INPP5A: variants seen among roughly 807,000 people sequenced by gnomAD.
INPP5A encodes inositol polyphosphate-5-phosphatase A, also known as 43 kDa inositol polyphosphate 5-phophatase.
INPP5A carries 14 observed loss-of-function variants against 65.2 expected under a neutral mutation model. The observed-to-expected ratio is 0.21, with a 90% CI of 0.14 to 0.34. The LOEUF (loss-of-function observed/expected upper bound fraction) is 0.34, where lower values mean the gene tolerates loss of function less well. Among genes scored for constraint, INPP5A ranks in the 10% least tolerant of loss-of-function variants. INPP5A has a pLI of 1.00. For synonymous variants in INPP5A, 207 were observed against 208.3 expected (o/e 0.99, Z 0.05); for missense variants, 431 against 545.6 (o/e 0.79, Z 2.09).
chr10:132,666,758 A>G (rs2072810304), intron 4 of INPP5A, among the ~76,000 whole-genome samples: 1 of 152,218 alleles, frequency 6.6e-6, no homozygotes, highest in South Asian at 2.1e-4. Context: ...GAAGTCCAGC[A>G]ATTGCAGCTG....
rs1846433487 is a variant in INPP5A, at chr10:132,749,539, T to C, written c.755T>C (p.Met252Thr). 1.2e-6 allele frequency: 2 copies of C among 1,612,942 alleles called. No homozygotes were observed. The highest frequency in any genetic ancestry group is 1.7e-6 in the Non-Finnish European group (2 of 1,180,008). The stretch of plus-strand genomic sequence containing the variant: ...CAGACGCTCTGCACAAAAGCCACCA[T>C]GCAGACGGTCCGGGCCGCCGACACC... Reference protein sequence around the residue: ...VVETLCTKATMQTVRAADTNE... With the variant: ...VVETLCTKATTQTVRAADTNE... Residue 252 changes from methionine (M) to threonine (T), a missense_variant, in exon 10 of 16, where the codon ATG becomes ACG. By Grantham distance (81) the Met-to-Thr change is moderately conservative (BLOSUM62 -1). Coordinates refer to ENST00000368594, the MANE Select transcript of INPP5A (RefSeq NM_005539.5).
chr10:132,680,845 C>T (rs549926168), intron 4 of INPP5A, among the ~76,000 whole-genome samples: 7 of 152,366 alleles, frequency 4.6e-5, no homozygotes, highest in South Asian at 2.1e-4. Context: ...GCCCACCCAC[C>T]GGCGCTGCAC....
intron 2 of INPP5A, among the ~76,000 whole-genome samples, chr10:132,633,930 C>G (rs1016463892): frequency 3.3e-5 from 5 of 152,258 alleles, no homozygotes; most frequent in African/African-American, 9.6e-5. Flanking sequence ...GTGGCCAGTT[C>G]TGCTTCAGAC....
intron 2 of INPP5A, among the ~76,000 whole-genome samples, chr10:132,643,867 G>A (rs1037944149): frequency 6.6e-6 from 1 of 152,126 alleles, no homozygotes; most frequent in Non-Finnish European, 1.5e-5. Flanking sequence ...ACTCACAGGG[G>A]GTCGTGGAGG....
At position 132,724,458 on chromosome 10, in the gene INPP5A, GT is replaced by G. The variant is rs1163765225; in HGVS notation, c.648-2362del. Among the ~76,000 whole-genome samples, 43 of 152,352 alleles carry G rather than the reference GT, an allele frequency of 2.8e-4. 1 individual carries two copies. Among genetic ancestry groups the G allele is most frequent in the Admixed American group, 5.2e-4 (8 of 15,302 alleles). On this transcript the variant is annotated intron_variant, in intron 8 of 15. Transcript: ENST00000368594. ...TCAGCCACAGGGGAAACTGATACATGTGACTATATGGAAATTAAAACTTTTG... is the reference window on the plus strand; with the variant it reads ...TCAGCCACAGGGGAAACTGATACATGGACTATATGGAAATTAAAACTTTTG...
intron 1 of INPP5A, among the ~76,000 whole-genome samples, chr10:132,572,245 G>C (rs993000986): frequency 5.3e-5 from 8 of 152,216 alleles, no homozygotes; most frequent in Non-Finnish European, 8.8e-5. Context: ...CCATGGGGGG[G>C]CCTTCAGAAG....
intron 3 of INPP5A, among the ~76,000 whole-genome samples, chr10:132,646,661 C>T (rs907096414): frequency 1.3e-5 from 2 of 152,330 alleles, no homozygotes; most frequent in East Asian, 1.9e-4. Flanking sequence ...GTTGGGGGCT[C>T]GTCTCCACCT....
chr10:132,678,516 G>T lies in INPP5A; in HGVS notation c.307-11876G>T, dbSNP rs2073000734. On this transcript the variant is annotated intron_variant, in intron 4 of 15. Coordinates refer to ENST00000368594, the MANE Select transcript of INPP5A (RefSeq NM_005539.5). The surrounding 1 kb of genome is among the most constrained non-coding windows in gnomAD (Gnocchi z 4.1). ...GGGAGCACCGTGAACCTGTGCCTTG[G>T]GTTGTGCTTTGAGACCTGAGCTGAG... 6.6e-6 allele frequency among the ~76,000 whole-genome samples: 1 copy of T among 152,132 alleles called. No homozygotes were observed. Among genetic ancestry groups the T allele is most frequent in the African/African-American group, 2.4e-5 (1 of 41,418 alleles).
At chr10:132,594,223 G>A (rs1291261651) in intron 1 of INPP5A, among the ~76,000 whole-genome samples, 7 of 152,198 alleles carry the variant, frequency 4.6e-5, no homozygotes, top group Admixed American at 4.6e-4. Context: ...GAGCTGTGCT[G>A]TGTAGTAATG....
Position 132,730,549 on chromosome 10 carries a change from G to A in INPP5A, c.732+3644G>A, listed in dbSNP as rs146230411. Among the ~76,000 whole-genome samples the A allele has an allele frequency of 4.4e-3, 674 of 152,352 alleles. 8 individuals are homozygous for A. The highest frequency in any genetic ancestry group is 0.016 in the African/African-American group (646 of 41,572). ...TGGGTGTAGGAAGAGCAGCTCCTGC[G>A]TGCAGCTTGTTAAGACAGCGGGTGT... On this transcript the variant is annotated intron_variant, in intron 9 of 15. Coordinates refer to ENST00000368594, the MANE Select transcript of INPP5A (RefSeq NM_005539.5).
chr10:132,779,108 C>G (rs1242501998), intron 13 of INPP5A, among the ~76,000 whole-genome samples: 2 of 152,276 alleles, frequency 1.3e-5, no homozygotes, highest in African/African-American at 4.8e-5. Flanking sequence ...CTGCAGCCAG[C>G]CTGGCTCCTC....
chr10:132,594,530 C>T (rs546833813), intron 1 of INPP5A, among the ~76,000 whole-genome samples: 7 of 149,956 alleles, frequency 4.7e-5, no homozygotes, highest in East Asian at 3.9e-4. Flanking sequence ...TGCCTGTGCA[C>T]GGGTGGTGTG....
At position 132,549,935 on chromosome 10, in the gene INPP5A, C is replaced by A. The variant is rs2071029229; in HGVS notation, c.75+11764C>A. Among the ~76,000 whole-genome samples the A allele has an allele frequency of 1.4e-5, 2 of 143,222 alleles. No individual in the cohort carries two copies. Among genetic ancestry groups the A allele is most frequent in the South Asian group, 4.8e-4 (2 of 4,202 alleles). The allele number at this position is 143,222 out of a possible 152,430, so 94.0% of individuals were successfully genotyped here. ...CTAACCGGGCATTAGGGGATGGGGT[C>A]AGCCTCGAGTTACTAACCGGGCATT... On this transcript the variant is annotated intron_variant, in intron 1 of 15. Transcript: ENST00000368594. This position sits in a 1 kb window ranked among gnomAD's most constrained non-coding sequence, Gnocchi z 4.9.
Position 132,753,412 on chromosome 10 carries a change from G to A in INPP5A, c.903+3567G>A, listed in dbSNP as rs745464996. ...TTCATCAACCGCCGGTCTTGTACCC[G>A]TCTGACAGAAATTTAATTCAGGCTG... On this transcript the variant is annotated intron_variant, in intron 11 of 15. Coordinates refer to ENST00000368594, the MANE Select transcript of INPP5A (RefSeq NM_005539.5). This position sits in a 1 kb window ranked among gnomAD's most constrained non-coding sequence, Gnocchi z 5.3. Among the ~76,000 whole-genome samples the A allele has an allele frequency of 2.0e-5, 3 of 152,194 alleles. No individual in the cohort carries two copies. Among genetic ancestry groups the A allele is most frequent in the East Asian group, 1.9e-4 (1 of 5,206 alleles).
At chr10:132,646,543 G>A (rs1405220516) in intron 3 of INPP5A, among the ~76,000 whole-genome samples, 1 of 152,190 alleles carries the variant, frequency 6.6e-6, no homozygotes, top group Non-Finnish European at 1.5e-5. Flanking sequence ...TTCAGACATG[G>A]GGCCTCCTAT....
chr10:132,758,026 G>A (rs562652643), intron 11 of INPP5A, among the ~76,000 whole-genome samples: 104 of 139,194 alleles, frequency 7.5e-4, no homozygotes, highest in South Asian at 3.4e-3. Context: ...ACACAGTGCC[G>A]TGGTGTGGGT....
intron 4 of INPP5A, among the ~76,000 whole-genome samples, chr10:132,673,241 G>A (rs1207753559): frequency 6.6e-6 from 1 of 152,160 alleles, no homozygotes; most frequent in East Asian, 1.9e-4. Flanking sequence ...TCTCGCGGTG[G>A]CAGCATTCTT....
At chr10:132,711,875 G>C (rs1248760875) in intron 8 of INPP5A, among the ~76,000 whole-genome samples, 1 of 152,248 alleles carries the variant, frequency 6.6e-6, no homozygotes, top group Admixed American at 6.5e-5. Context: ...GAGGGAGGAG[G>C]CTGGGCAGGG....
At chr10:132,731,431 C>T (rs1279869208) in intron 9 of INPP5A, among the ~76,000 whole-genome samples, 1 of 151,530 alleles carries the variant, frequency 6.6e-6, no homozygotes, top group East Asian at 1.9e-4. Flanking sequence ...TATCAGACGC[C>T]CCTGGGAGTG....
Sources: gnomAD v4.1 joint callset for allele counts (sites outside exome capture counted in the v4.1 genomes callset) on GRCh38, gnomAD v4.1.1 for gene constraint, Gnocchi (gnomAD v3.1) non-coding constraint, MANE v1.5 for transcripts, NCBI Gene and HGNC (gene_info 2026-07-23, HGNC 2026-07-21) for gene names.